PCDH9: variants seen among roughly 807,000 people sequenced by gnomAD.
PCDH9 encodes protocadherin 9.
Under a neutral mutation model 70.6 loss-of-function variants are expected in PCDH9, and 24 were observed. That is an observed-to-expected ratio of 0.34 (90% CI 0.25 to 0.48). The LOEUF (loss-of-function observed/expected upper bound fraction) is 0.48, where lower values mean the gene tolerates loss of function less well. PCDH9 is among the 20% of genes least tolerant of loss of function. The probability of loss-of-function intolerance (pLI) is 0.99; values close to 1 mark genes in which losing one functional copy is unlikely to be tolerated. For missense variants in PCDH9, 1,281 were observed against 1,503.6 expected (o/e 0.85, Z 2.45); for synonymous variants, 562 against 558.5 (o/e 1.01, Z -0.09).
intron 4 of PCDH9, among the ~76,000 whole-genome samples, chr13:66,552,940 G>C (rs1467585648): frequency 1.3e-5 from 2 of 152,082 alleles, no homozygotes; most frequent in African/African-American, 4.8e-5. Flanking sequence ...TCACATGGTG[G>C]CGGGAGAGAG....
At chr13:66,504,064 C>T (rs964556746) in intron 4 of PCDH9, among the ~76,000 whole-genome samples, 2 of 152,262 alleles carry the variant, frequency 1.3e-5, no homozygotes, top group Admixed American at 6.5e-5. Flanking sequence ...ATCTCTGCTC[C>T]GTAAACACAA....
chr13:66,622,667 AT>A, intron 4 of PCDH9, among the ~76,000 whole-genome samples: 1 of 152,144 alleles, frequency 6.6e-6, no homozygotes, highest in African/African-American at 2.4e-5. Flanking sequence ...TAGCTCAGGG[AT>A]TGTAAACGCA....
At chr13:67,085,112 G>T (rs544845514) in intron 2 of PCDH9, among the ~76,000 whole-genome samples, 1 of 147,174 alleles carries the variant, frequency 6.8e-6, no homozygotes, top group Non-Finnish European at 1.5e-5. Context: ...ACTGTTAGGG[G>T]TCAAATATTT....
intron 2 of PCDH9, among the ~76,000 whole-genome samples, chr13:67,188,734 T>A (rs1051422015): frequency 1.3e-5 from 2 of 152,142 alleles, no homozygotes; most frequent in Non-Finnish European, 2.9e-5. Flanking sequence ...TTCTATTTTT[T>A]AAAAACTAAA....
At chr13:66,875,485 C>T (rs945512573) in intron 3 of PCDH9, among the ~76,000 whole-genome samples, 2 of 152,180 alleles carry the variant, frequency 1.3e-5, no homozygotes, top group African/African-American at 2.4e-5. Flanking sequence ...ATGCCAGACA[C>T]ACAAAGCATA....
chr13:67,210,191 A>G (rs558269356), intron 2 of PCDH9: 28 of 152,176 alleles, frequency 1.8e-4, no homozygotes, highest in African/African-American at 6.5e-4. Flanking sequence ...TTTTAAGTTC[A>G]TGGTTTTCCA....
intron 2 of PCDH9, among the ~76,000 whole-genome samples, chr13:67,194,412 CA>C (rs879534983): frequency 6.7e-6 from 1 of 149,238 alleles, no homozygotes; most frequent in Admixed American, 6.7e-5. Flanking sequence ...AATGACTCTT[CA>C]AAAAAAACTA....
In PCDH9 at chr13:67,142,592, T is replaced by C. The variant is rs571377191; in HGVS notation, c.3036+82813A>G. Among the ~76,000 whole-genome samples the C allele has an allele frequency of 2.0e-5, 3 of 152,254 alleles. No individual in the cohort carries two copies. The South Asian group carries it at 6.2e-4, about 32-fold the overall frequency. On this transcript the variant is annotated intron_variant, in intron 2 of 4. Transcript: ENST00000377865. The stretch of plus-strand genomic sequence containing the variant: ...TGAGAGAATGAGCAAAGACAACCTT[T>C]GAGAGTGTATAGTGGTATTAAAAAA...
intron 4 of PCDH9, among the ~76,000 whole-genome samples, chr13:66,526,503 T>A (rs1244117648): frequency 2.0e-5 from 2 of 102,346 alleles, no homozygotes; most frequent in Admixed American, 1.2e-4. Flanking sequence ...TACAATGCTT[T>A]GAAATCTCTC....
At chr13:66,523,908 T>C (rs946603408) in intron 4 of PCDH9, among the ~76,000 whole-genome samples, 3 of 152,076 alleles carry the variant, frequency 2.0e-5, no homozygotes, top group Non-Finnish European at 2.9e-5. Context: ...GATAGTTTTA[T>C]AATGGGTTAT....
intron 4 of PCDH9, among the ~76,000 whole-genome samples, chr13:66,380,277 A>G (rs1956821783): frequency 6.6e-6 from 1 of 152,172 alleles, no homozygotes; most frequent in African/African-American, 2.4e-5. Flanking sequence ...TAGGTAAAAT[A>G]ATAGCTATGT....
At chr13:66,910,960 T>C (rs1049935987) in intron 2 of PCDH9, among the ~76,000 whole-genome samples, 4 of 152,184 alleles carry the variant, frequency 2.6e-5, no homozygotes, top group Non-Finnish European at 5.9e-5. Flanking sequence ...TTTTGACAAA[T>C]GCAGAAATAA....
At chr13:66,456,797 T>C (rs1421228269) in intron 4 of PCDH9, among the ~76,000 whole-genome samples, 1 of 152,106 alleles carries the variant, frequency 6.6e-6, no homozygotes, top group East Asian at 1.9e-4. Context: ...TTGGAAAGAA[T>C]CTTTCATTTT....
chr13:66,948,276 A>G (rs1183535513), intron 2 of PCDH9, among the ~76,000 whole-genome samples: 1 of 152,116 alleles, frequency 6.6e-6, no homozygotes, highest in African/African-American at 2.4e-5. Flanking sequence ...AGTTCATGCC[A>G]GTATAGTTTC....
chr13:66,789,963 C>A (rs1287927029), intron 3 of PCDH9, among the ~76,000 whole-genome samples: 4 of 152,040 alleles, frequency 2.6e-5, no homozygotes. Context: ...TGTTGTCAAC[C>A]AAGATTATTT....
chr13:66,865,562 T>C (rs1427726377), intron 3 of PCDH9, among the ~76,000 whole-genome samples: 1 of 152,212 alleles, frequency 6.6e-6, no homozygotes, highest in Admixed American at 6.5e-5. Flanking sequence ...TGGTCAGAAG[T>C]ATTAGATAAT....
intron 3 of PCDH9, among the ~76,000 whole-genome samples, chr13:66,764,857 G>A (rs978540963): frequency 5.9e-5 from 9 of 151,774 alleles, no homozygotes; most frequent in African/African-American, 9.7e-5. Flanking sequence ...CTGAAATAGC[G>A]CTAAAAATAC....
At chr13:66,727,633 G>A (rs1335674892) in intron 3 of PCDH9, among the ~76,000 whole-genome samples, 1 of 151,924 alleles carries the variant, frequency 6.6e-6, no homozygotes, top group African/African-American at 2.4e-5. Context: ...ATAGATATAG[G>A]CATAGACTTA....
chr13:66,496,310 A>G (rs1449182982), intron 4 of PCDH9, among the ~76,000 whole-genome samples: 1 of 152,200 alleles, frequency 6.6e-6, no homozygotes, highest in Non-Finnish European at 1.5e-5. Flanking sequence ...TATCTCAGAC[A>G]TCACATACCT....
Sources: gnomAD v4.1 joint callset for allele counts (sites outside exome capture counted in the v4.1 genomes callset) on GRCh38, gnomAD v4.1.1 for gene constraint, MANE v1.5 for transcripts, NCBI Gene and HGNC (gene_info 2026-07-23, HGNC 2026-07-21) for gene names.